ZC3H12B: variants seen among roughly 807,000 people sequenced by gnomAD.
ZC3H12B encodes probable ribonuclease ZC3H12B.
ZC3H12B carries 7 observed loss-of-function variants against 43.9 expected under a neutral mutation model. The ratio of observed to expected loss-of-function variants is 0.16; its 90% CI spans 0.09 to 0.30. The LOEUF (loss-of-function observed/expected upper bound fraction) is 0.30. ZC3H12B is among the 10% of genes least tolerant of loss of function. The probability of loss-of-function intolerance (pLI) is 1.00; values close to 1 mark genes in which losing one functional copy is unlikely to be tolerated. For synonymous variants in ZC3H12B, 222 were observed against 241.7 expected, an observed-to-expected ratio of 0.92 and a Z score of 0.76; for missense variants, 475 against 670.2, an observed-to-expected ratio of 0.71 and a Z score of 3.22.
the ZC3H12B span, among the ~76,000 whole-genome samples, chrX:65,222,995 G>T: frequency 3.6e-5 from 4 of 111,760 alleles, no homozygotes; most frequent in African/African-American, 9.7e-5. Flanking sequence ...ATAGTATAAG[G>T]TTATAGTCAC....
At chrX:65,159,702 C>G in the ZC3H12B span, among the ~76,000 whole-genome samples, 1 of 111,859 alleles carries the variant, frequency 8.9e-6, no homozygotes. Flanking sequence ...ATCATGTCAT[C>G]TGCAAAAAGG....
intron 2 of ZC3H12B, among the ~76,000 whole-genome samples, chrX:65,388,574 GC>G (rs1217088082): frequency 1.8e-5 from 2 of 110,840 alleles, no homozygotes; most frequent in African/African-American, 6.6e-5. Flanking sequence ...TAACTTCTTT[GC>G]CATGGGTTTG....
the ZC3H12B span, among the ~76,000 whole-genome samples, chrX:65,154,179 A>G: frequency 6.3e-5 from 7 of 111,763 alleles, no homozygotes; most frequent in Non-Finnish European, 1.3e-4. Flanking sequence ...ATGTATACAT[A>G]TGTAACTAAC....
intron 3 of ZC3H12B, among the ~76,000 whole-genome samples, chrX:65,478,317 G>A (rs1374697672): frequency 8.9e-6 from 1 of 111,984 alleles, no homozygotes; most frequent in Non-Finnish European, 1.9e-5. Context: ...GGGACTATGG[G>A]CTCATGCCAC....
the ZC3H12B span, among the ~76,000 whole-genome samples, chrX:65,131,304 G>A: frequency 9.0e-6 from 1 of 111,541 alleles, no homozygotes; most frequent in Non-Finnish European, 1.9e-5. Flanking sequence ...TGAGGAACAG[G>A]AAAGAAGGAA....
the ZC3H12B span, among the ~76,000 whole-genome samples, chrX:65,070,025 A>AT: frequency 0.01 from 1,004 of 99,202 alleles, 7 homozygotes; most frequent in Middle Eastern, 0.026. Context: ...AGTGGTACAG[A>AT]TTTTTTTTTT....
the ZC3H12B span, among the ~76,000 whole-genome samples, chrX:65,187,864 C>A: frequency 9.1e-6 from 1 of 110,266 alleles, no homozygotes; most frequent in Non-Finnish European, 1.9e-5. Context: ...TTGACTGTAG[C>A]CACCTTGTTG....
At chrX:65,090,776 A>T in the ZC3H12B span, among the ~76,000 whole-genome samples, 1 of 111,549 alleles carries the variant, frequency 9.0e-6, no homozygotes, top group Non-Finnish European at 1.9e-5. Context: ...CTCATACTGA[A>T]TTGTAATCCC....
intron 2 of ZC3H12B, among the ~76,000 whole-genome samples, chrX:65,380,321 G>C (rs1355971130): frequency 8.9e-6 from 1 of 111,812 alleles, no homozygotes; most frequent in Non-Finnish European, 1.9e-5. Flanking sequence ...TTAAAGAAAA[G>C]AATTTTCAAC....
At chrX:65,275,299 A>T in the ZC3H12B span, among the ~76,000 whole-genome samples, 1 of 112,775 alleles carries the variant, frequency 8.9e-6, no homozygotes, top group Non-Finnish European at 1.9e-5. Context: ...ATAAGCCCCC[A>T]GGCCAGCCAA....
intron 2 of ZC3H12B, among the ~76,000 whole-genome samples, chrX:65,386,543 C>T (rs1415109009): frequency 1.8e-5 from 2 of 111,195 alleles, no homozygotes; most frequent in Non-Finnish European, 3.8e-5. Flanking sequence ...CTCTTTTCTT[C>T]TTTTTTAGTC....
At chrX:65,280,389 G>A in the ZC3H12B span, among the ~76,000 whole-genome samples, 6 of 111,799 alleles carry the variant, frequency 5.4e-5, no homozygotes, top group African/African-American at 2.0e-4. Context: ...AGGTACAGAA[G>A]GCAAATAACA....
chrX:65,243,055 G>A, the ZC3H12B span, among the ~76,000 whole-genome samples: 1 of 112,077 alleles, frequency 8.9e-6, no homozygotes, highest in African/African-American at 3.2e-5. Context: ...TCCCCAGTAT[G>A]TCAGTCTGGG....
At chrX:65,055,884 C>T in the ZC3H12B span, among the ~76,000 whole-genome samples, 2 of 111,698 alleles carry the variant, frequency 1.8e-5, no homozygotes, top group African/African-American at 3.2e-5. Context: ...TAGAGGTGTT[C>T]ATAGTATTCT....
At chrX:65,309,117 A>G in the ZC3H12B span, among the ~76,000 whole-genome samples, 1 of 110,548 alleles carries the variant, frequency 9.0e-6, no homozygotes. Flanking sequence ...AAGCTAGCAG[A>G]AGGCAAGAAA....
chrX:65,486,252 C>G (rs771772480), upstream of ZC3H12B, among the ~76,000 whole-genome samples: 20 of 112,213 alleles, frequency 1.8e-4, no homozygotes, highest in Middle Eastern at 4.6e-3. Context: ...CCTTCATTCA[C>G]AAGAGTATCC....
the ZC3H12B span, among the ~76,000 whole-genome samples, chrX:65,051,054 G>C: frequency 9.0e-6 from 1 of 111,372 alleles, no homozygotes; most frequent in Non-Finnish European, 1.9e-5. Flanking sequence ...AGTATGTTCA[G>C]ATTTTCTCTT....
At chrX:65,212,801 T>A in the ZC3H12B span, among the ~76,000 whole-genome samples, 3 of 102,697 alleles carry the variant, frequency 2.9e-5, no homozygotes, top group African/African-American at 1.1e-4. Context: ...TATGAGAACA[T>A]CGACTATATC....
At chrX:65,315,621 A>T in the ZC3H12B span, among the ~76,000 whole-genome samples, 1 of 111,257 alleles carries the variant, frequency 9.0e-6, no homozygotes, top group Non-Finnish European at 1.9e-5. Context: ...TCACAATCAA[A>T]CCCCAAAGAC....
Sources: gnomAD v4.1 joint callset for allele counts (sites outside exome capture counted in the v4.1 genomes callset) on GRCh38, gnomAD v4.1.1 for gene constraint, MANE v1.5 for transcripts, NCBI Gene and HGNC (gene_info 2026-07-23, HGNC 2026-07-21) for gene names.